The following ITPR2 variants were observed in gnomAD, a reference collection of about 807,000 sequenced individuals.
ITPR2 encodes the protein inositol 1,4,5-trisphosphate receptor type 2.
A neutral mutation model predicts 317.1 loss-of-function variants in ITPR2; 207 were observed. That is an observed-to-expected ratio of 0.65 (90% CI 0.58 to 0.73). The LOEUF is 0.73. Ranked by LOEUF, ITPR2 falls within the 30% of genes least tolerant of loss-of-function variation. The probability of loss-of-function intolerance (pLI) is 0.00; values close to 1 mark genes in which losing one functional copy is unlikely to be tolerated. For synonymous variants in ITPR2, 1,156 were observed against 1,149.1 expected (o/e 1.01, Z -0.12); for missense variants, 2,613 against 3,284.0 (o/e 0.80, Z 4.99).
chr12:26,344,638 C>T (rs575535804), intron 55 of ITPR2, among the ~76,000 whole-genome samples: 1 of 151,734 alleles, frequency 6.6e-6, no homozygotes, highest in South Asian at 2.1e-4. Context: ...AGCCACAGAA[C>T]TCCCTTTCCC....
At chr12:26,422,830 T>C (rs754725303) in intron 49 of ITPR2, among the ~76,000 whole-genome samples, 5 of 152,316 alleles carry the variant, frequency 3.3e-5, no homozygotes, top group South Asian at 2.1e-4. Flanking sequence ...TATTGAAAAG[T>C]AAAATGGAAT....
At chr12:26,357,601 T>C (rs890158366) in intron 55 of ITPR2, among the ~76,000 whole-genome samples, 1 of 151,870 alleles carries the variant, frequency 6.6e-6, no homozygotes, top group Non-Finnish European at 1.5e-5. Context: ...CAGATTTATA[T>C]CCAGCCTGTC....
At chr12:26,599,683 T>C (rs1945945488) in intron 29 of ITPR2, among the ~76,000 whole-genome samples, 1 of 152,180 alleles carries the variant, frequency 6.6e-6, no homozygotes, top group Non-Finnish European at 1.5e-5. Flanking sequence ...CCTCTGAGTT[T>C]TCCATATTTA....
At position 26,400,122 on chromosome 12, in the gene ITPR2, G is replaced by C; in HGVS notation, c.7530+6C>G. 1.2e-6 allele frequency: 2 copies of C among 1,603,114 alleles called. No individual in the cohort carries two copies. The highest frequency in any genetic ancestry group is 1.7e-6 in the Non-Finnish European group (2 of 1,174,510). On this transcript the variant is annotated splice_donor_region_variant and intron_variant, in intron 53 of 56. Coordinates refer to ENST00000381340, the MANE Select transcript of ITPR2 (RefSeq NM_002223.4). ...TCCTTGAAAAAATACTTTTACTCTG[G>C]CTTACATCTTTCGATGGCCTTCTTA... is the stretch of plus-strand genomic sequence containing the variant.
intron 45 of ITPR2, among the ~76,000 whole-genome samples, chr12:26,462,747 C>A (rs965931878): frequency 2.0e-5 from 3 of 151,274 alleles, no homozygotes; most frequent in South Asian, 2.1e-4. Context: ...TCCCAGCTCA[C>A]GGCAACCTCC....
intron 23 of ITPR2, 138 bp from the exon 24 acceptor site, chr12:26,624,494 T>A (rs1325747525): frequency 6.5e-6 from 4 of 612,748 alleles, no homozygotes; most frequent in Non-Finnish European, 8.6e-6. Flanking sequence ...ACACTAATAA[T>A]CTGATTTTAA....
At chr12:26,347,170 C>T (rs1274410576) in intron 55 of ITPR2, among the ~76,000 whole-genome samples, 1 of 152,174 alleles carries the variant, frequency 6.6e-6, no homozygotes, top group Non-Finnish European at 1.5e-5. Flanking sequence ...TAATCTATCC[C>T]TATTCTTACT....
chr12:26,763,153 G>A (rs1189228317), intron 2 of ITPR2, among the ~76,000 whole-genome samples: 1 of 152,018 alleles, frequency 6.6e-6, no homozygotes. Flanking sequence ...TGTGGTGATG[G>A]ATGCGTGTTC....
chr12:26,395,546 A>G (rs148046569), intron 54 of ITPR2, among the ~76,000 whole-genome samples: 35 of 152,300 alleles, frequency 2.3e-4, no homozygotes, highest in East Asian at 2.1e-3. Flanking sequence ...TCCAAAGAGC[A>G]TCTCTTTCAG....
intron 2 of ITPR2, among the ~76,000 whole-genome samples, chr12:26,783,650 A>G (rs990286413): frequency 2.6e-5 from 4 of 152,332 alleles, no homozygotes; most frequent in Admixed American, 2.6e-4. Context: ...TGCCTTTATT[A>G]AAGGGAAGAC....
At chr12:26,492,523 T>C (rs972127230) in intron 39 of ITPR2, among the ~76,000 whole-genome samples, 1 of 152,146 alleles carries the variant, frequency 6.6e-6, no homozygotes, top group Admixed American at 6.5e-5. Flanking sequence ...TGTTATGTGG[T>C]TGACTGGACA....
intron 55 of ITPR2, among the ~76,000 whole-genome samples, chr12:26,368,360 G>A (rs1163060538): frequency 6.6e-6 from 1 of 152,156 alleles, no homozygotes; most frequent in Non-Finnish European, 1.5e-5. Context: ...AGATCTGTTG[G>A]ATCCTTTAAT....
Position 26,772,491 on chromosome 12 carries a change from C to CATTATTAT in ITPR2, c.163+17665_163+17666insATAATAAT, listed in dbSNP as rs3064583. Among the ~76,000 whole-genome samples, 707 of 100,300 alleles carry CATTATTAT rather than the reference C, an allele frequency of 7.0e-3. 10 individuals are homozygous for CATTATTAT. Among genetic ancestry groups the CATTATTAT allele is most frequent in the Non-Finnish European group, 0.013 (597 of 47,020 alleles). The allele number at this position is 100,300 out of a possible 152,430, so 65.8% of individuals were successfully genotyped here. A position where few individuals can be genotyped will look rare whatever the true frequency, so the allele number is the denominator to read the frequency against. ...TGTATTATATATAATATATATAATA[C>CATTATTAT]ATATAATACATGTATTATATATAAT... is the stretch of plus-strand genomic sequence containing the variant. On this transcript the variant is annotated intron_variant, in intron 2 of 56. Transcript: ENST00000381340.
intron 49 of ITPR2, among the ~76,000 whole-genome samples, chr12:26,422,477 G>A (rs1940932372): frequency 6.6e-6 from 1 of 152,078 alleles, no homozygotes; most frequent in Non-Finnish European, 1.5e-5. Context: ...GGGTCATCTG[G>A]TTTCAATCTT....
intron 55 of ITPR2, among the ~76,000 whole-genome samples, chr12:26,383,776 G>T (rs563862723): frequency 7.9e-5 from 12 of 151,874 alleles, no homozygotes; most frequent in African/African-American, 2.7e-4. Context: ...GATTACAGGC[G>T]TGAGCCACCA....
At chr12:26,516,300 A>AGGAAAGGAAAGGAAAGGAAGGGAAG (rs1943508488) in intron 37 of ITPR2, among the ~76,000 whole-genome samples, 1 of 67,398 alleles carries the variant, frequency 1.5e-5, no homozygotes, top group African/African-American at 4.8e-5. Context: ...AGGAAAGGAA[A>AGGAAAGGAAAGGAAAGGAAGGGAAG]GGAAAGGAAA....
At chr12:26,522,795 GAGA>G (rs763696179) in intron 37 of ITPR2, among the ~76,000 whole-genome samples, 9 of 152,082 alleles carry the variant, frequency 5.9e-5, no homozygotes, top group South Asian at 2.1e-4. Flanking sequence ...GCAAATTCTT[GAGA>G]AGATTTTCAA....
chr12:26,711,343 G>T, intron 8 of ITPR2, 75 bp from the exon 9 acceptor site: 1 of 971,418 alleles, frequency 1.0e-6, no homozygotes, highest in Non-Finnish European at 1.7e-6. Context: ...CAGTTTACAT[G>T]CCTGCCCTCC....
intron 45 of ITPR2, among the ~76,000 whole-genome samples, chr12:26,474,417 G>C (rs1942362581): frequency 6.6e-6 from 1 of 152,188 alleles, no homozygotes; most frequent in Admixed American, 6.5e-5. Flanking sequence ...ATTTAAAGTT[G>C]ATCTTCATGT....
Sources: allele counts gnomAD v4.1 joint callset (sites outside exome capture counted in the v4.1 genomes callset), GRCh38; gene constraint gnomAD v4.1.1; transcripts MANE v1.5; gene names NCBI Gene and HGNC (gene_info 2026-07-23, HGNC 2026-07-21).